Variants in PCDH15 observed in about 807,000 individuals in gnomAD.
The protein encoded by PCDH15 is protocadherin-15.
A neutral mutation model predicts 178.5 loss-of-function variants in PCDH15; 129 were observed. The observed-to-expected ratio is 0.72, with a 90% CI of 0.63 to 0.84. PCDH15 has a LOEUF of 0.84. Ranked by LOEUF, PCDH15 falls within the 40% of genes least tolerant of loss-of-function variation. The pLI is 0.00. For synonymous variants in PCDH15, 800 were observed against 732.0 expected (o/e 1.09, Z -1.50); for missense variants, 2,230 against 2,099.9 (o/e 1.06, Z -1.21).
chr10:54,242,128 TTTTATATATA>T (rs1194763228), intron 8 of PCDH15, among the ~76,000 whole-genome samples: 1,791 of 61,902 alleles, frequency 0.029, 181 homozygotes, highest in African/African-American at 0.049. Context: ...TGAATTCTAT[TTTTATATATA>T]TATATATATA....
intron 3 of PCDH15, among the ~76,000 whole-genome samples, chr10:54,445,175 A>AT (rs1384041268): frequency 6.6e-6 from 1 of 150,778 alleles, no homozygotes; most frequent in Non-Finnish European, 1.5e-5. Context: ...TTTGTTTGTA[A>AT]TTTTTTTGCT....
chr10:53,944,995 C>T (rs1173894670), intron 23 of PCDH15, among the ~76,000 whole-genome samples: 3 of 152,202 alleles, frequency 2.0e-5, no homozygotes, highest in Non-Finnish European at 4.4e-5. Context: ...ACAAAATCTA[C>T]AGGCTTTGAC....
chr10:54,428,563 C>G (rs1193185295), intron 3 of PCDH15, among the ~76,000 whole-genome samples: 1 of 152,218 alleles, frequency 6.6e-6, no homozygotes, highest in Non-Finnish European at 1.5e-5. Context: ...GCACAGACCT[C>G]TCTTCCGTGC....
At chr10:54,573,314 A>G (rs1194444138) in intron 2 of PCDH15, among the ~76,000 whole-genome samples, 1 of 152,140 alleles carries the variant, frequency 6.6e-6, no homozygotes, top group East Asian at 1.9e-4. Context: ...ATTTTAATAA[A>G]AAACACTTAA....
intron 2 of PCDH15, among the ~76,000 whole-genome samples, chr10:55,397,811 G>A (rs1030298813): frequency 7.9e-5 from 12 of 151,612 alleles, no homozygotes; most frequent in African/African-American, 2.4e-4. Context: ...GGTCTCGAAC[G>A]AACTCCTGAC....
At chr10:54,390,019 G>T (rs1950361137) in intron 3 of PCDH15, among the ~76,000 whole-genome samples, 1 of 152,106 alleles carries the variant, frequency 6.6e-6, no homozygotes. Flanking sequence ...TTTATAATGT[G>T]CTGTAAAAGT....
intron 1 of PCDH15, among the ~76,000 whole-genome samples, chr10:55,315,762 AATC>A (rs1843708622): frequency 6.6e-6 from 1 of 152,210 alleles, no homozygotes; most frequent in Admixed American, 6.5e-5. Flanking sequence ...TCCTGCCTGC[AATC>A]CCAGCGCTTT....
At chr10:54,500,714 C>T (rs953813430) in intron 3 of PCDH15, among the ~76,000 whole-genome samples, 4 of 151,914 alleles carry the variant, frequency 2.6e-5, no homozygotes, top group Non-Finnish European at 5.9e-5. Context: ...CCTGTAATTC[C>T]AGCCATTCAG....
At position 53,803,084 on chromosome 10, in the gene PCDH15, T is replaced by A. The variant is rs1308860770; in HGVS notation, c.*3495A>T. ...AACTATTGAAAACCAATAAAAAAAA[T>A]AGAACAAAAATTTCACATACCATTT... On this transcript the variant is annotated 3_prime_UTR_variant, in exon 38 of 38. Coordinates refer to ENST00000644397, the MANE Select transcript of PCDH15 (RefSeq NM_001384140.1). 1 of 151,756 alleles carries A rather than the reference T, an allele frequency of 6.6e-6. No homozygotes were observed. The highest frequency in any genetic ancestry group is 1.5e-5 in the Non-Finnish European group (1 of 67,786). 9.4% of individuals were successfully genotyped at this position (151,756 alleles called of 1,614,324 possible).
chr10:54,899,726 ACGTTGTGATCCGT>A (rs1954611003), intron 2 of PCDH15, among the ~76,000 whole-genome samples: 1 of 152,062 alleles, frequency 6.6e-6, no homozygotes, highest in Admixed American at 6.6e-5. Context: ...CGAACTTCTG[ACGTTGTGATCCGT>A]CCACCTCGGC....
upstream of PCDH15, among the ~76,000 whole-genome samples, chr10:55,320,398 C>T (rs1447350534): frequency 6.6e-6 from 1 of 151,842 alleles, no homozygotes; most frequent in Non-Finnish European, 1.5e-5. Context: ...CAAACACCTG[C>T]ATAGAGGCCA....
At chr10:55,131,712 G>GTAGCTCCTC (rs61041414) in intron 2 of PCDH15, among the ~76,000 whole-genome samples, 118,441 of 151,258 alleles carry the variant, frequency 0.78, 48,133 homozygotes, top group Non-Finnish European at 0.9. Flanking sequence ...CCAGGAGTGG[G>GTAGCTCCTC]TAGCTCCTCT....
intron 1 of PCDH15, among the ~76,000 whole-genome samples, chr10:54,784,586 T>C (rs1296002456): frequency 6.6e-6 from 1 of 152,056 alleles, no homozygotes; most frequent in Non-Finnish European, 1.5e-5. Context: ...ACCACTAGAT[T>C]GGCCTGAAAA....
chr10:54,692,588 A>T (rs1021628672), intron 1 of PCDH15, among the ~76,000 whole-genome samples: 2 of 150,786 alleles, frequency 1.3e-5, no homozygotes, highest in East Asian at 3.9e-4. Flanking sequence ...ACAAATAAAA[A>T]TCGGTTAGAG....
chr10:54,421,928 A>T (rs372046690), intron 3 of PCDH15, among the ~76,000 whole-genome samples: 1 of 37,132 alleles, frequency 2.7e-5, no homozygotes, highest in East Asian at 2.3e-4. Flanking sequence ...ATATATATAC[A>T]CTATATATAT....
chr10:55,314,940 A>G (rs189980468), intron 1 of PCDH15, among the ~76,000 whole-genome samples: 28 of 152,298 alleles, frequency 1.8e-4, no homozygotes, highest in Admixed American at 1.6e-3. Flanking sequence ...ATTATTAAGA[A>G]TCACAGAAAC....
chr10:55,413,140 CAGA>C (rs1371589962), intron 2 of PCDH15, among the ~76,000 whole-genome samples: 2 of 151,734 alleles, frequency 1.3e-5, no homozygotes, highest in Admixed American at 6.6e-5. Flanking sequence ...TCTTACCCAG[CAGA>C]AGATTAAAAA....
intron 2 of PCDH15, among the ~76,000 whole-genome samples, chr10:55,047,356 T>C (rs1486439728): frequency 6.6e-6 from 1 of 151,898 alleles, no homozygotes; most frequent in Non-Finnish European, 1.5e-5. Context: ...CATTGATTAT[T>C]ACTAATAAAA....
chr10:54,079,377 T>A lies in PCDH15; in HGVS notation c.2045A>T (p.Asp682Val). 2 of 1,614,110 alleles carry A rather than the reference T, an allele frequency of 1.2e-6. No homozygotes were observed. The highest frequency in any genetic ancestry group is 1.7e-6 in the Non-Finnish European group (2 of 1,179,980). ...LGKALDREST[D>V]RYILIITASD... is the part of the protein sequence containing the mutation. ...AGCTGTGATGATCAGAATGTAGCGA[T>A]CAGTGCTTTCCCTGTCCAGTGCTTT... Residue 682 changes from aspartate (D) to valine (V), a missense_variant, in exon 17 of 38, where the codon GAT becomes GTT. By Grantham distance (152) the Asp-to-Val change is radical. Transcript: ENST00000644397.
Sources: gnomAD v4.1 joint callset for allele counts (sites outside exome capture counted in the v4.1 genomes callset) on GRCh38, gnomAD v4.1.1 for gene constraint, MANE v1.5 for transcripts, NCBI Gene and HGNC (gene_info 2026-07-23, HGNC 2026-07-21) for gene names.